Variants in UBAC2 observed in about 807,000 individuals in gnomAD.
The protein encoded by UBAC2 is UBA domain containing 2.
Under a neutral mutation model 44.0 loss-of-function variants are expected in UBAC2, and 26 were observed. That is an observed-to-expected ratio of 0.59 (90% CI 0.43 to 0.82). The LOEUF is 0.82. Ranked by LOEUF, UBAC2 falls within the 40% of genes least tolerant of loss-of-function variation. The pLI is 0.00. For synonymous variants in UBAC2, 155 were observed against 154.3 expected (o/e 1.00, Z -0.04); for missense variants, 329 against 419.4 (o/e 0.78, Z 1.88).
intron 4 of UBAC2, chr13:99,294,970 G>T: frequency 7.1e-7 from 1 of 1,402,918 alleles, no homozygotes; most frequent in Non-Finnish European, 9.7e-7. Context: ...AATACTAATT[G>T]GAAGCTGAAC....
intron 4 of UBAC2, among the ~76,000 whole-genome samples, chr13:99,296,477 A>C (rs2044175610): frequency 6.6e-6 from 1 of 152,240 alleles, no homozygotes; most frequent in African/African-American, 2.4e-5. Flanking sequence ...AAGGGAATGC[A>C]CTAAATTTTT....
At chr13:99,220,485 C>T (rs2043041626) in intron 1 of UBAC2, among the ~76,000 whole-genome samples, 1 of 152,096 alleles carries the variant, frequency 6.6e-6, no homozygotes, top group African/African-American at 2.4e-5. Flanking sequence ...GTATTTATTG[C>T]CTCAAAGAAA....
At chr13:99,280,828 T>TCC (rs528865435) in intron 4 of UBAC2, among the ~76,000 whole-genome samples, 10 of 101,764 alleles carry the variant, frequency 9.8e-5, no homozygotes, top group East Asian at 7.8e-4. Flanking sequence ...CCTTCTTCTT[T>TCC]CCCTCTCTCT....
chr13:99,307,257 TTTTTACC>T (rs2044350181), intron 4 of UBAC2: 1 of 152,192 alleles, frequency 6.6e-6, no homozygotes, highest in South Asian at 2.1e-4. Flanking sequence ...ATTGTTTTCC[TTTTTACC>T]TTTTACCTTA....
At position 99,241,264 on chromosome 13, in the gene UBAC2, CA is replaced by C. The variant is rs35336464; in HGVS notation, c.160-2549del. On this transcript the variant is annotated intron_variant, in intron 2 of 8. Transcript: ENST00000403766. ...TGGGCAACAGAGTGAGACCCTGTCT[CA>C]AAAAAAAAAAAAAAAAAAGAAAAGA... Among the ~76,000 whole-genome samples, 461 of 114,858 alleles carry C rather than the reference CA, an allele frequency of 4.0e-3. 2 individuals carry two copies. Among genetic ancestry groups the C allele is most frequent in the African/African-American group, 0.015 (410 of 28,068 alleles). 75.4% of individuals were successfully genotyped at this position (114,858 alleles called of 152,430 possible).
At chr13:99,376,525 TG>T (rs2045482130) in intron 8 of UBAC2, among the ~76,000 whole-genome samples, 1 of 152,242 alleles carries the variant, frequency 6.6e-6, no homozygotes, top group African/African-American at 2.4e-5. Context: ...AGCTGCACCT[TG>T]GTGTCCTCTG....
At chr13:99,283,977 T>C (rs1364474073) in intron 4 of UBAC2, among the ~76,000 whole-genome samples, 1 of 151,982 alleles carries the variant, frequency 6.6e-6, no homozygotes. Context: ...TCGTGATCTG[T>C]CTGCCTTGGC....
At chr13:99,279,959 C>T (rs1314508184) in intron 4 of UBAC2, among the ~76,000 whole-genome samples, 2 of 152,218 alleles carry the variant, frequency 1.3e-5, no homozygotes, top group Admixed American at 6.5e-5. Flanking sequence ...AGCATAGTGG[C>T]TCCCACATAG....
intron 4 of UBAC2, among the ~76,000 whole-genome samples, chr13:99,311,354 G>A (rs2044409486): frequency 6.6e-6 from 1 of 152,184 alleles, no homozygotes; most frequent in African/African-American, 2.4e-5. Flanking sequence ...GTGCTGTCCT[G>A]CGGAGCACAG....
chr13:99,324,319 A>G (rs561790454), intron 6 of UBAC2, among the ~76,000 whole-genome samples: 2 of 152,294 alleles, frequency 1.3e-5, no homozygotes, highest in Non-Finnish European at 2.9e-5. Flanking sequence ...ACTAGCCACT[A>G]AAATATGAAC....
At chr13:99,244,452 A>G in intron 3 of UBAC2, 63 bp from the exon 4 acceptor site, 3 of 1,177,658 alleles carry the variant, frequency 2.5e-6, no homozygotes, top group Non-Finnish European at 3.8e-6. Flanking sequence ...TTCTAGCTGA[A>G]TAAATGTTAG....
intron 4 of UBAC2, chr13:99,296,255 A>G (rs1594099331): frequency 9.7e-7 from 1 of 1,028,398 alleles, no homozygotes; most frequent in Non-Finnish European, 1.3e-6. Flanking sequence ...ATAATGTATC[A>G]AAGCAATCCA....
At chr13:99,246,324 T>C (rs1383403301) in intron 4 of UBAC2, among the ~76,000 whole-genome samples, 24 of 152,244 alleles carry the variant, frequency 1.6e-4, no homozygotes, top group Admixed American at 1.6e-3. Flanking sequence ...GTGGTCATTG[T>C]AATTAGACTG....
chr13:99,290,129 G>A (rs1354702334), intron 4 of UBAC2, among the ~76,000 whole-genome samples: 1 of 152,198 alleles, frequency 6.6e-6, no homozygotes, highest in African/African-American at 2.4e-5. Flanking sequence ...CTGTGTGACC[G>A]TGGGCAAGTT....
intron 5 of UBAC2, among the ~76,000 whole-genome samples, 169 bp from the exon 6 acceptor site, chr13:99,317,853 C>A (rs907697254): frequency 6.6e-6 from 1 of 152,000 alleles, no homozygotes; most frequent in Non-Finnish European, 1.5e-5. Flanking sequence ...ATATAATTTT[C>A]TTTTAAGTAA....
rs563381535 is a variant in UBAC2, at chr13:99,283,348, T to C, written c.390-30749T>C. 2.4e-3 allele frequency among the ~76,000 whole-genome samples: 362 copies of C among 152,276 alleles called. 4 individuals carry two copies. The highest frequency in any genetic ancestry group is 0.011 in the South Asian group (52 of 4,826). ...ATAGGTTTGTTAATATCAGTGACAATATGAAGGAAAAATATGGAGTAACAT... is the reference window on the plus strand; with the variant it reads ...ATAGGTTTGTTAATATCAGTGACAACATGAAGGAAAAATATGGAGTAACAT... On this transcript the variant is annotated intron_variant, in intron 4 of 8. Transcript: ENST00000403766.
chr13:99,223,938 G>GA (rs1485799447), intron 1 of UBAC2, among the ~76,000 whole-genome samples: 3 of 152,030 alleles, frequency 2.0e-5, no homozygotes, highest in East Asian at 1.9e-4. Flanking sequence ...ATATGCACTT[G>GA]AAAAAATGTG....
intron 1 of UBAC2, among the ~76,000 whole-genome samples, chr13:99,228,091 A>G (rs1289070039): frequency 2.0e-5 from 3 of 152,142 alleles, no homozygotes; most frequent in African/African-American, 7.2e-5. Context: ...AGGAAGAGGA[A>G]GGACTGACGG....
At chr13:99,370,453 G>T (rs2045390155) in intron 8 of UBAC2, among the ~76,000 whole-genome samples, 1 of 152,114 alleles carries the variant, frequency 6.6e-6, no homozygotes, top group Non-Finnish European at 1.5e-5. Flanking sequence ...TAAGAGTGTT[G>T]CCATCATAAT....
Sources: gnomAD v4.1 joint callset for allele counts (sites outside exome capture counted in the v4.1 genomes callset) on GRCh38, gnomAD v4.1.1 for gene constraint, MANE v1.5 for transcripts, NCBI Gene and HGNC (gene_info 2026-07-23, HGNC 2026-07-21) for gene names.